The following POFUT3 variants were observed in gnomAD, a reference collection of about 807,000 sequenced individuals.
POFUT3 encodes GDP-fucose protein O-fucosyltransferase 3.
chr8:33,452,335 G>C, the POFUT3 span: 1 of 151,962 alleles, frequency 6.6e-6, no homozygotes, highest in South Asian at 2.1e-4. Flanking sequence ...TTTCATCATT[G>C]CATAGTATTC....
At chr8:33,414,544 A>G in the POFUT3 span, among the ~76,000 whole-genome samples, 2 of 152,032 alleles carry the variant, frequency 1.3e-5, no homozygotes, top group Admixed American at 6.6e-5. Flanking sequence ...AACATTATCT[A>G]TGGGACTCCC....
At chr8:33,389,501 G>A in the POFUT3 span, 1 of 1,614,204 alleles carries the variant, frequency 6.2e-7, no homozygotes, top group Admixed American at 1.7e-5. Flanking sequence ...GTCCCTGTCT[G>A]ATGGTGGGTC....
the POFUT3 span, among the ~76,000 whole-genome samples, chr8:33,321,456 C>T: frequency 6.6e-6 from 1 of 152,052 alleles, no homozygotes; most frequent in Non-Finnish European, 1.5e-5. Flanking sequence ...TCCCTCCCTC[C>T]ACAGCATCTC....
the POFUT3 span, among the ~76,000 whole-genome samples, chr8:33,398,886 T>C: frequency 1.8e-4 from 28 of 152,340 alleles, no homozygotes; most frequent in South Asian, 4.8e-3. Context: ...GGCCTTCTTA[T>C]GGGCCGGCAT....
At chr8:33,467,980 C>T in the POFUT3 span, among the ~76,000 whole-genome samples, 4 of 152,172 alleles carry the variant, frequency 2.6e-5, no homozygotes, top group Admixed American at 2.6e-4. Context: ...TGGCTCATGC[C>T]TGTAATCCCA....
At chr8:33,454,291 C>T in the POFUT3 span, among the ~76,000 whole-genome samples, 1 of 152,206 alleles carries the variant, frequency 6.6e-6, no homozygotes. Flanking sequence ...TCTTTTAGAG[C>T]CACCACCATT....
the POFUT3 span, among the ~76,000 whole-genome samples, chr8:33,399,849 T>A: frequency 1.3e-5 from 2 of 151,852 alleles, no homozygotes; most frequent in African/African-American, 4.8e-5. Context: ...AGACGGGGTT[T>A]CACCATGTTC....
chr8:33,427,791 C>T, the POFUT3 span, among the ~76,000 whole-genome samples: 1 of 152,092 alleles, frequency 6.6e-6, no homozygotes, highest in African/African-American at 2.4e-5. Context: ...TCTTCAAAAG[C>T]TATCCCCAAA....
At chr8:33,419,292 T>C in the POFUT3 span, among the ~76,000 whole-genome samples, 6 of 152,216 alleles carry the variant, frequency 3.9e-5, no homozygotes, top group Non-Finnish European at 7.3e-5. Flanking sequence ...TCTCCAACCC[T>C]TTTGGCACCA....
At chr8:33,461,722 A>G in the POFUT3 span, 1 of 1,314,938 alleles carries the variant, frequency 7.6e-7, no homozygotes, top group Middle Eastern at 2.0e-4. Flanking sequence ...GAATCAAAAA[A>G]ATTCTGCAAC....
chr8:33,447,597 A>G, the POFUT3 span, among the ~76,000 whole-genome samples: 6 of 152,214 alleles, frequency 3.9e-5, no homozygotes, highest in African/African-American at 1.4e-4. Context: ...CAGTATTCGC[A>G]TATTTCACTG....
the POFUT3 span, among the ~76,000 whole-genome samples, chr8:33,348,159 A>C: frequency 6.9e-6 from 1 of 144,272 alleles, no homozygotes; most frequent in African/African-American, 2.6e-5. Flanking sequence ...TGACAGAGCA[A>C]GACTCTGCCT....
At chr8:33,378,788 G>A in the POFUT3 span, among the ~76,000 whole-genome samples, 2 of 152,124 alleles carry the variant, frequency 1.3e-5, no homozygotes, top group Non-Finnish European at 2.9e-5. Flanking sequence ...TTAGTCACTG[G>A]ATAATTATTA....
chr8:33,431,470 C>T, the POFUT3 span, among the ~76,000 whole-genome samples: 304 of 130,288 alleles, frequency 2.3e-3, 2 homozygotes, highest in Non-Finnish European at 3.7e-3. Flanking sequence ...ATTGCTTGAA[C>T]CTGGGAGGCA....
At chr8:33,336,989 G>C in the POFUT3 span, among the ~76,000 whole-genome samples, 1 of 152,140 alleles carries the variant, frequency 6.6e-6, no homozygotes, top group Non-Finnish European at 1.5e-5. Context: ...GGTTAGCAAA[G>C]ATGTTCTGCC....
chr8:33,382,704 T>C, the POFUT3 span, among the ~76,000 whole-genome samples: 3,210 of 152,206 alleles, frequency 0.021, 113 homozygotes, highest in African/African-American at 0.074. Flanking sequence ...AGCAAGAAAC[T>C]GACGTTCTCC....
At chr8:33,309,759 C>T in the POFUT3 span, among the ~76,000 whole-genome samples, 2 of 152,064 alleles carry the variant, frequency 1.3e-5, no homozygotes, top group African/African-American at 4.8e-5. Context: ...ATTATATTAA[C>T]CTTTAGGCAA....
the POFUT3 span, among the ~76,000 whole-genome samples, chr8:33,445,689 G>T: frequency 6.9e-3 from 1,045 of 152,200 alleles, 7 homozygotes; most frequent in Middle Eastern, 0.017. Flanking sequence ...GAACTAAAAG[G>T]ACAGATATCA....
At chr8:33,458,530 C>A in the POFUT3 span, among the ~76,000 whole-genome samples, 5 of 152,182 alleles carry the variant, frequency 3.3e-5, no homozygotes, top group South Asian at 1.0e-3. Flanking sequence ...CCCTGGCCAA[C>A]ATGGTAAAAC....
Sources: allele counts gnomAD v4.1 joint callset (sites outside exome capture counted in the v4.1 genomes callset), GRCh38; gene constraint gnomAD v4.1.1; transcripts MANE v1.5; gene names NCBI Gene and HGNC (gene_info 2026-07-23, HGNC 2026-07-21).